Variants in S1PR3 observed in about 807,000 individuals in gnomAD.
S1PR3 encodes sphingosine-1-phosphate receptor 3.
S1PR3 carries 12 observed loss-of-function variants against 13.3 expected under a neutral mutation model. The observed-to-expected ratio is 0.90, with a 90% CI of 0.58 to 1.46. The LOEUF (loss-of-function observed/expected upper bound fraction) is 1.46, where lower values mean the gene tolerates loss of function less well. S1PR3 is among the 40% of genes most tolerant of loss of function. The pLI, the probability that S1PR3 is intolerant of heterozygous loss-of-function variation, is 0.00. For missense variants in S1PR3, 450 were observed against 501.9 expected (o/e 0.90, Z 0.99); for synonymous variants, 232 against 214.0 (o/e 1.08, Z -0.73).
intron 1 of S1PR3, chr9:88,994,042 T>C (rs1051078431): frequency 1.2e-5 from 2 of 167,126 alleles, no homozygotes; most frequent in African/African-American, 4.8e-5. Flanking sequence ...GCTAACATTC[T>C]GCTGGCATGG....
At position 89,002,499 on chromosome 9, in the gene S1PR3, C is replaced by T; in HGVS notation, c.*162C>T. ...ACAGAGGGGGCCCAAGGAATCACCA[C>T]CCCGCTTCAGTGTAAACAACGTGCC... On this transcript the variant is annotated 3_prime_UTR_variant, in exon 2 of 2. Coordinates refer to ENST00000358157, the MANE Select transcript of S1PR3 (RefSeq NM_005226.4). 1.2e-6 allele frequency: 1 copy of T among 825,682 alleles called. No homozygotes were observed. The allele number at this position is 825,682 out of a possible 1,614,324, so 51.1% of individuals were successfully genotyped here.
At chr9:88,993,958 T>G (rs560993082) in intron 1 of S1PR3, 1 of 162,994 alleles carries the variant, frequency 6.1e-6, no homozygotes, top group African/African-American at 2.4e-5. Flanking sequence ...ATGGTGCTCT[T>G]CGGCCTTGCA....
chr9:88,990,884 C>A, upstream of S1PR3: 1 of 1,327,052 alleles, frequency 7.5e-7, no homozygotes, highest in Non-Finnish European at 1.0e-6. Flanking sequence ...AGGGACCAGG[C>A]AGGCGCCGGA....
At chr9:88,992,022 A>T in intron 1 of S1PR3, 1 of 1,613,578 alleles carries the variant, frequency 6.2e-7, no homozygotes, top group Non-Finnish European at 8.5e-7. Flanking sequence ...GGGCCTGGGG[A>T]TGCTGGACGT....
rs1483798144 is a variant in S1PR3 at position 89,003,331 on chromosome 9, A to T, written c.*994A>T. The T allele has an allele frequency of 6.0e-6, 1 of 167,160 alleles. No individual in the cohort carries two copies. The highest frequency in any genetic ancestry group is 2.4e-5 in the African/African-American group (1 of 41,484). 10.4% of individuals were successfully genotyped at this position (167,160 alleles called of 1,614,324 possible). A position where few individuals can be genotyped will look rare whatever the true frequency, so the allele number is the denominator to read the frequency against. ...TTGTTTCTATATTAGAAAAGCAGCA[A>T]GTCAGTAATCCCCCGTGGCATCACA... On this transcript the variant is annotated 3_prime_UTR_variant, in exon 2 of 2. Coordinates refer to ENST00000358157, the MANE Select transcript of S1PR3 (RefSeq NM_005226.4).
Position 89,001,476 on chromosome 9 carries a change from C to T in S1PR3, c.276C>T (p.Tyr92=), listed in dbSNP as rs756188776. The change falls in exon 2 of 2, where the codon TAC becomes TAT. Residue 92 remains tyrosine, a synonymous_variant. Transcript: ENST00000358157. ...GCGACCTGCTGGCCGGCATCGCTTA[C>T]AAGGTCAACATTCTGATGTCTGGCA... ...ALCDLLAGIA[Y]KVNILMSGKK... is the part of the protein sequence containing the mutation. 9.9e-6 allele frequency: 16 copies of T among 1,614,232 alleles called. 1 individual carries two copies. The highest frequency in any genetic ancestry group is 6.8e-6 in the Non-Finnish European group (8 of 1,180,040).
In S1PR3 at chr9:89,002,433, C is replaced by T. The variant is rs1337337163; in HGVS notation, c.*96C>T. Reference sequence around the variant, plus strand: ...CAAGAGCTGTGACTCGGGAGAGCTACCTTACTTTGACCAACAGCCTGCCCA... The same window carrying T: ...CAAGAGCTGTGACTCGGGAGAGCTATCTTACTTTGACCAACAGCCTGCCCA... On this transcript the variant is annotated 3_prime_UTR_variant, in exon 2 of 2. Coordinates refer to ENST00000358157, the MANE Select transcript of S1PR3 (RefSeq NM_005226.4). 1.4e-6 allele frequency: 2 copies of T among 1,435,750 alleles called. No homozygotes were observed. Among genetic ancestry groups the T allele is most frequent in the African/African-American group, 2.8e-5 (2 of 70,628 alleles). 88.9% of individuals were successfully genotyped at this position (1,435,750 alleles called of 1,614,324 possible). A position where few individuals can be genotyped will look rare whatever the true frequency, so the allele number is the denominator to read the frequency against.
At chr9:88,996,447 C>T (rs1290332474) in intron 1 of S1PR3, 1 of 152,232 alleles carries the variant, frequency 6.6e-6, no homozygotes, top group African/African-American at 2.4e-5. Context: ...CTACCCACAC[C>T]ATGAGAGCAA....
At chr9:88,991,083 G>C (rs1267342509), upstream of S1PR3, 8 of 1,613,234 alleles carry the variant, frequency 5.0e-6, no homozygotes, top group Admixed American at 1.7e-5. This position sits in a 1 kb window ranked among gnomAD's most constrained non-coding sequence, Gnocchi z 4.0. Context: ...AGGGCGACAG[G>C]CGCCCGCCCA....
At position 89,004,563 on chromosome 9, in the gene S1PR3, A is replaced by T. The variant is rs1185924451; in HGVS notation, c.*2226A>T. On this transcript the variant is annotated 3_prime_UTR_variant, in exon 2 of 2. Transcript: ENST00000358157. ...TTGGAGCTCTCTGTAGCTATTGTTC[A>T]TAACACTTTGCTCCATAACCCTGAT... is the stretch of plus-strand genomic sequence containing the variant. 1 of 167,110 alleles carries T rather than the reference A, an allele frequency of 6.0e-6. No individual in the cohort carries two copies. Among genetic ancestry groups the T allele is most frequent in the Non-Finnish European group, 1.5e-5 (1 of 68,132 alleles). 10.4% of individuals were successfully genotyped at this position (167,110 alleles called of 1,614,324 possible). A position where few individuals can be genotyped will look rare whatever the true frequency, so the allele number is the denominator to read the frequency against.
chr9:88,991,672 C>T lies in S1PR3; in HGVS notation c.-171C>T. Reference sequence around the variant, plus strand: ...GCGCCACCCGCTAGGATGCCGGTGGCCCCAGCGCCCTCAGCCGACGGAGGT... The same window carrying T: ...GCGCCACCCGCTAGGATGCCGGTGGTCCCAGCGCCCTCAGCCGACGGAGGT... On this transcript the variant is annotated 5_prime_UTR_variant, in exon 1 of 2. Coordinates refer to ENST00000358157, the MANE Select transcript of S1PR3 (RefSeq NM_005226.4). This position sits in a 1 kb window ranked among gnomAD's most constrained non-coding sequence, Gnocchi z 4.0. 1 of 1,518,264 alleles carries T rather than the reference C, an allele frequency of 6.6e-7. No individual in the cohort carries two copies. Among genetic ancestry groups the T allele is most frequent in the African/African-American group, 1.4e-5 (1 of 70,970 alleles). The allele number at this position is 1,518,264 out of a possible 1,614,324, so 94.0% of individuals were successfully genotyped here. A position where few individuals can be genotyped will look rare whatever the true frequency, so the allele number is the denominator to read the frequency against.
At position 89,001,692 on chromosome 9, in the gene S1PR3, T is replaced by G; in HGVS notation, c.492T>G (p.Ile164Met). Residue 164 changes from isoleucine (I) to methionine (M), a missense_variant, in exon 2 of 2, where the codon ATT (isoleucine) becomes ATG (methionine). Coordinates refer to ENST00000358157, the MANE Select transcript of S1PR3 (RefSeq NM_005226.4). ...VFLLIGMCWLIAFTLGALPIL... is the reference protein window; with the variant it reads ...VFLLIGMCWLMAFTLGALPIL... ...TCCTGATCGGGATGTGCTGGCTCAT[T>G]GCCTTCACGCTGGGCGCCCTGCCCA... The G allele has an allele frequency of 1.9e-6, 3 of 1,614,214 alleles. No individual in the cohort carries two copies. The highest frequency in any genetic ancestry group is 2.5e-6 in the Non-Finnish European group (3 of 1,180,048).
rs1393238764 is a variant in S1PR3 at position 89,002,342 on chromosome 9, C to T, written c.*5C>T. On this transcript the variant is annotated 3_prime_UTR_variant, in exon 2 of 2. Transcript: ENST00000358157. ...AATGGGATCTTCTGCAACTGATCGT[C>T]TCCATGCGCCCTGCTCTGCGGCTGT... 2 of 1,613,512 alleles carry T rather than the reference C, an allele frequency of 1.2e-6. No individual in the cohort carries two copies. The highest frequency in any genetic ancestry group is 4.5e-5 in the East Asian group (2 of 44,872).
chr9:88,992,272 GTCTCTC>G (rs138739828), intron 1 of S1PR3: 518 of 410,794 alleles, frequency 1.3e-3, no homozygotes, highest in Middle Eastern at 3.5e-3. Context: ...CCAATAGTCA[GTCTCTC>G]TCTCTCTCTC....
rs376847603 is a variant in S1PR3 at position 89,002,293 on chromosome 9, A to C, written c.1093A>C (p.Met365Leu). Residue 365 changes from methionine (M) to leucine (L), a missense_variant, in exon 2 of 2, where the codon ATG (methionine) becomes CTG (leucine). Transcript: ENST00000358157. ...CCACACAGCCCCCTCATCCTGCATC[A>C]TGGACAAGAACGCAGCACTTCAGAA... The part of the protein sequence containing the change: ...LPHTAPSSCI[M>L]DKNAALQNGI... 211 of 1,613,974 alleles carry C rather than the reference A, an allele frequency of 1.3e-4. No homozygotes were observed. The highest frequency in any genetic ancestry group is 1.7e-4 in the Non-Finnish European group (203 of 1,180,020).
In S1PR3 at chr9:89,001,654, C is replaced by G; in HGVS notation, c.454C>G (p.His152Asp). The G allele has an allele frequency of 6.2e-7, 1 of 1,614,232 alleles. No individual in the cohort carries two copies. Among genetic ancestry groups the G allele is most frequent in the African/African-American group, 1.3e-5 (1 of 75,068 alleles). ...GAGGCCTTACGACGCCAACAAGAGG[C>G]ACCGCGTCTTCCTCCTGATCGGGAT... ...KMRPYDANKR[H>D]RVFLLIGMCW... Residue 152 changes from histidine (H) to aspartate (D), a missense_variant, in exon 2 of 2, where the codon CAC (histidine) becomes GAC (aspartate). Coordinates refer to ENST00000358157, the MANE Select transcript of S1PR3 (RefSeq NM_005226.4).
chr9:88,995,617 C>T (rs1825792766), intron 1 of S1PR3: 1 of 167,062 alleles, frequency 6.0e-6, no homozygotes, highest in South Asian at 2.1e-4. Context: ...TGGATGAACC[C>T]AGCTTAGTGA....
At chr9:88,999,006 G>C (rs1825838012) in intron 1 of S1PR3, 1 of 152,324 alleles carries the variant, frequency 6.6e-6, no homozygotes, top group African/African-American at 2.4e-5. Context: ...TGATGGGAGA[G>C]ATCTGGGCAG....
Position 89,001,981 on chromosome 9 carries a change from A to G in S1PR3, c.781A>G (p.Ile261Val). The G allele has an allele frequency of 6.2e-7, 1 of 1,613,972 alleles. No homozygotes were observed. The highest frequency in any genetic ancestry group is 8.5e-7 in the Non-Finnish European group (1 of 1,180,004). ...CATCGCCTGCTGGTCCCCACTCTTC[A>G]TCCTCTTCCTCATTGATGTGGCCTG... is the stretch of plus-strand genomic sequence containing the variant. ...VFIACWSPLF[I>V]LFLIDVACRV... is the part of the protein sequence containing the mutation. The change falls in exon 2 of 2, where the codon ATC (isoleucine) becomes GTC (valine). Residue 261 changes from isoleucine (I) to valine (V), a missense_variant. Ile to Val is a conservative substitution (Grantham distance 29). Coordinates refer to ENST00000358157, the MANE Select transcript of S1PR3 (RefSeq NM_005226.4).
Sources: gnomAD v4.1 joint callset for allele counts on GRCh38, gnomAD v4.1.1 for gene constraint, Gnocchi (gnomAD v3.1) non-coding constraint, MANE v1.5 for transcripts, NCBI Gene and HGNC (gene_info 2026-07-23, HGNC 2026-07-21) for gene names.